The following GABPB1 variants were observed in gnomAD, a reference collection of about 807,000 sequenced individuals.
GABPB1 encodes the protein GA binding protein transcription factor subunit beta 1.
In GABPB1, 15 loss-of-function variants were observed where a neutral mutation model predicts 45.9. The ratio of observed to expected loss-of-function variants is 0.33; its 90% CI spans 0.22 to 0.50. The LOEUF (loss-of-function observed/expected upper bound fraction) is 0.50. Ranked by LOEUF, GABPB1 falls within the 20% of genes least tolerant of loss-of-function variation. GABPB1 has a pLI of 0.98. For synonymous variants in GABPB1, 143 were observed against 154.4 expected (o/e 0.93, Z 0.55); for missense variants, 252 against 457.5 (o/e 0.55, Z 4.10).
intron 6 of GABPB1, among the ~76,000 whole-genome samples, chr15:50,292,271 C>T (rs564866137): frequency 4.2e-5 from 6 of 141,694 alleles, no homozygotes; most frequent in Non-Finnish European, 6.0e-5. Flanking sequence ...GCTGAGATCA[C>T]GCCATTGCAC....
intron 7 of GABPB1, 146 bp downstream of exon 7, chr15:50,289,337 G>A: frequency 1.8e-6 from 1 of 552,480 alleles, no homozygotes; most frequent in Middle Eastern, 5.0e-4. Flanking sequence ...ATAACTCAAG[G>A]CAAAAATACA....
At position 50,330,850 on chromosome 15, in the gene GABPB1, A is replaced by G. The variant is rs140264080; in HGVS notation, c.1-21052T>C. 1.4e-3 allele frequency among the ~76,000 whole-genome samples: 212 copies of G among 152,370 alleles called. 3 individuals are homozygous for G. The highest frequency in any genetic ancestry group is 5.0e-3 in the African/African-American group (206 of 41,592). On this transcript the variant is annotated intron_variant, in intron 1 of 8. Coordinates refer to ENST00000380877, the MANE Select transcript of GABPB1 (RefSeq NM_016654.5). ...TATGTTCTGGGATAAGAACTTCACA[A>G]TAAAGAAGTAAATAAGTAGTAGTAG...
intron 1 of GABPB1, among the ~76,000 whole-genome samples, chr15:50,339,844 A>G (rs2048287292): frequency 6.6e-6 from 1 of 152,228 alleles, no homozygotes; most frequent in Non-Finnish European, 1.5e-5. Flanking sequence ...TCCCAGGCAC[A>G]TGACAAAACC....
At chr15:50,310,710 G>A (rs2047101639) in intron 1 of GABPB1, among the ~76,000 whole-genome samples, 1 of 152,172 alleles carries the variant, frequency 6.6e-6, no homozygotes, top group East Asian at 1.9e-4. Flanking sequence ...CAGGTGCGAT[G>A]GCACATCCCT....
chr15:50,312,468 A>C (rs1019928823), intron 1 of GABPB1, among the ~76,000 whole-genome samples: 1 of 152,188 alleles, frequency 6.6e-6, no homozygotes, highest in Admixed American at 6.5e-5. Flanking sequence ...GAGATTACTG[A>C]TCTCCAATGA....
At chr15:50,348,380 G>C (rs910021864) in intron 1 of GABPB1, among the ~76,000 whole-genome samples, 3 of 151,646 alleles carry the variant, frequency 2.0e-5, no homozygotes, top group African/African-American at 7.3e-5. Flanking sequence ...TCGGCCTCCC[G>C]AGTAGCCGAG....
At chr15:50,325,559 T>C (rs2047724333) in intron 1 of GABPB1, among the ~76,000 whole-genome samples, 1 of 151,764 alleles carries the variant, frequency 6.6e-6, no homozygotes, top group African/African-American at 2.4e-5. Flanking sequence ...TGAGATGGAG[T>C]CTCGCTCTGT....
intron 1 of GABPB1, among the ~76,000 whole-genome samples, chr15:50,333,785 T>A (rs1395601557): frequency 6.6e-6 from 1 of 152,076 alleles, no homozygotes; most frequent in Non-Finnish European, 1.5e-5. Flanking sequence ...TGCCAACACT[T>A]TGGGAGGCTG....
chr15:50,353,558 G>C (rs372786901), intron 1 of GABPB1: 53 of 150,488 alleles, frequency 3.5e-4, no homozygotes, highest in East Asian at 2.7e-3. Context: ...AACATGTAAT[G>C]GATTTATTTT....
chr15:50,317,515 TAGCA>T (rs1234585044), intron 1 of GABPB1, among the ~76,000 whole-genome samples: 1 of 152,046 alleles, frequency 6.6e-6, no homozygotes, highest in African/African-American at 2.4e-5. Context: ...AATTTTTTTA[TAGCA>T]AGCATATATT....
chr15:50,278,441 T>C lies in GABPB1; in HGVS notation c.*191A>G. On this transcript the variant is annotated 3_prime_UTR_variant, in exon 9 of 9. Coordinates refer to ENST00000380877, the MANE Select transcript of GABPB1 (RefSeq NM_016654.5). Reference sequence around the variant, plus strand: ...AAAAACTATTTACAGAATTCAGTTTTAAATACATTTCACAACTTCTAAAGT... The same window carrying C: ...AAAAACTATTTACAGAATTCAGTTTCAAATACATTTCACAACTTCTAAAGT... 1 of 402,862 alleles carries C rather than the reference T, an allele frequency of 2.5e-6. No homozygotes were observed. The highest frequency in any genetic ancestry group is 9.6e-5 in the South Asian group (1 of 10,432). 25.0% of individuals were successfully genotyped at this position (402,862 alleles called of 1,614,324 possible).
chr15:50,279,422 C>T (rs2045907589), intron 8 of GABPB1, among the ~76,000 whole-genome samples: 1 of 152,102 alleles, frequency 6.6e-6, no homozygotes, highest in Admixed American at 6.5e-5. Flanking sequence ...TGATCAAGAT[C>T]AGTATTTCCT....
chr15:50,285,802 G>A, intron 8 of GABPB1: 1 of 1,255,224 alleles, frequency 8.0e-7, no homozygotes, highest in South Asian at 2.7e-5. Context: ...AAAACATAAA[G>A]GATGAAGTGG....
chr15:50,346,114 G>A (rs1050292674), intron 1 of GABPB1, among the ~76,000 whole-genome samples: 6 of 151,872 alleles, frequency 4.0e-5, no homozygotes, highest in African/African-American at 1.2e-4. Context: ...TTCTTCTTCC[G>A]TTCAATTTAC....
chr15:50,318,730 A>G, intron 1 of GABPB1, among the ~76,000 whole-genome samples: 1 of 152,312 alleles, frequency 6.6e-6, no homozygotes, highest in South Asian at 2.1e-4. Flanking sequence ...TAAGTCTCCT[A>G]AGAAGAGAAT....
intron 8 of GABPB1, chr15:50,285,751 A>G (rs1041772929): frequency 2.9e-6 from 3 of 1,042,250 alleles, no homozygotes; most frequent in Non-Finnish European, 3.5e-6. Flanking sequence ...ATATACTGGT[A>G]TTTTCCTTTA....
At chr15:50,344,047 T>G (rs559086977) in intron 1 of GABPB1, among the ~76,000 whole-genome samples, 1 of 152,322 alleles carries the variant, frequency 6.6e-6, no homozygotes, top group South Asian at 2.1e-4. Flanking sequence ...CTTTGTCTTC[T>G]CTTTTGTTCA....
chr15:50,331,870 G>A (rs867006056), intron 1 of GABPB1, among the ~76,000 whole-genome samples: 3 of 136,570 alleles, frequency 2.2e-5, no homozygotes, highest in East Asian at 4.0e-4. Context: ...TTTTTTTTTT[G>A]TTTTTTGTTT....
chr15:50,292,314 CAAAAAAA>C (rs762047613), intron 6 of GABPB1, among the ~76,000 whole-genome samples: 2 of 49,570 alleles, frequency 4.0e-5, no homozygotes, highest in Non-Finnish European at 1.0e-4. Flanking sequence ...GACTCCATCT[CAAAAAAA>C]AAAAAAAAAA....
Sources: gnomAD v4.1 joint callset for allele counts (sites outside exome capture counted in the v4.1 genomes callset) on GRCh38, gnomAD v4.1.1 for gene constraint, MANE v1.5 for transcripts, NCBI Gene and HGNC (gene_info 2026-07-23, HGNC 2026-07-21) for gene names.